Variants in KCNIP1 observed in about 807,000 individuals in gnomAD.
KCNIP1 encodes A-type potassium channel modulatory protein KCNIP1.
Under a neutral mutation model 33.0 loss-of-function variants are expected in KCNIP1, and 18 were observed. The observed-to-expected ratio is 0.55, with a 90% CI of 0.38 to 0.81. The LOEUF is 0.81. KCNIP1 is among the 30% of genes least tolerant of loss of function. The probability of loss-of-function intolerance (pLI) is 0.00; values close to 1 mark genes in which losing one functional copy is unlikely to be tolerated. For synonymous variants in KCNIP1, 93 were observed against 98.3 expected, an observed-to-expected ratio of 0.95 and a Z score of 0.32; for missense variants, 238 against 271.6, an observed-to-expected ratio of 0.88 and a Z score of 0.87.
chr5:170,396,271 G>A (rs1432525560), intron 1 of KCNIP1, among the ~76,000 whole-genome samples: 2 of 152,214 alleles, frequency 1.3e-5, no homozygotes, highest in Admixed American at 1.3e-4. Context: ...GAATCTTCTT[G>A]AGAGGGGATG....
chr5:170,646,190 C>G (rs1760775210), intron 1 of KCNIP1, among the ~76,000 whole-genome samples: 1 of 152,136 alleles, frequency 6.6e-6, no homozygotes, highest in Non-Finnish European at 1.5e-5. Flanking sequence ...TATCAATTCT[C>G]TACAATCTCT....
intron 1 of KCNIP1, among the ~76,000 whole-genome samples, chr5:170,537,633 C>T (rs1307525330): frequency 6.6e-6 from 1 of 152,196 alleles, no homozygotes; most frequent in Non-Finnish European, 1.5e-5. Flanking sequence ...ATGACACAGG[C>T]GGAGACTGCG....
chr5:170,574,841 G>A (rs1757541211), intron 1 of KCNIP1, among the ~76,000 whole-genome samples: 1 of 152,168 alleles, frequency 6.6e-6, no homozygotes, highest in Non-Finnish European at 1.5e-5. Flanking sequence ...GACGTGGGAG[G>A]AAACTGGAGT....
intron 1 of KCNIP1, among the ~76,000 whole-genome samples, chr5:170,439,048 C>CT: frequency 6.6e-6 from 1 of 152,184 alleles, no homozygotes; most frequent in Middle Eastern, 3.4e-3. Context: ...AACTTAGATC[C>CT]TAGTGGTAGG....
chr5:170,457,781 AG>A (rs1756419683), intron 1 of KCNIP1, among the ~76,000 whole-genome samples: 1 of 152,168 alleles, frequency 6.6e-6, no homozygotes, highest in African/African-American at 2.4e-5. Flanking sequence ...TGACAAAACA[AG>A]GTTCCTTAAT....
chr5:170,687,990 T>C (rs1762599127), intron 1 of KCNIP1, among the ~76,000 whole-genome samples: 1 of 146,900 alleles, frequency 6.8e-6, no homozygotes, highest in Non-Finnish European at 1.5e-5. Flanking sequence ...CATCTTAGGA[T>C]TTCCAAGAGA....
chr5:170,367,253 G>T (rs1763686687), intron 1 of KCNIP1, among the ~76,000 whole-genome samples: 1 of 151,484 alleles, frequency 6.6e-6, no homozygotes, highest in South Asian at 2.1e-4. Flanking sequence ...TGTGGAGGTT[G>T]CAGTGAGCCA....
intron 1 of KCNIP1, among the ~76,000 whole-genome samples, chr5:170,534,471 AAGGAGGAGG>A (rs34048947): frequency 0.28 from 42,394 of 149,296 alleles, 8,916 homozygotes; most frequent in African/African-American, 0.6. Flanking sequence ...GGAGAGGGAG[AAGGAGGAGG>A]AGGAGGAGGA....
chr5:170,568,971 C>A (rs1757301685), intron 1 of KCNIP1, among the ~76,000 whole-genome samples: 1 of 152,150 alleles, frequency 6.6e-6, no homozygotes. Flanking sequence ...TATTGTCACC[C>A]AGCCTCCTCT....
intron 1 of KCNIP1, among the ~76,000 whole-genome samples, chr5:170,550,985 T>C (rs1756606845): frequency 6.6e-6 from 1 of 152,182 alleles, no homozygotes; most frequent in Non-Finnish European, 1.5e-5. Flanking sequence ...CTCATCTCAT[T>C]TACCTTCTTT....
intron 1 of KCNIP1, among the ~76,000 whole-genome samples, chr5:170,591,311 C>T (rs1291646357): frequency 1.3e-5 from 2 of 152,150 alleles, no homozygotes; most frequent in African/African-American, 2.4e-5. Flanking sequence ...GAGGCAGGGG[C>T]CACAGCCTGT....
At chr5:170,712,755 C>T (rs967478554) in intron 1 of KCNIP1, 269 of 1,107,128 alleles carry the variant, frequency 2.4e-4, no homozygotes, top group Non-Finnish European at 2.1e-4. Flanking sequence ...AGCTGGACGA[C>T]GTGGACACCC....
At chr5:170,731,380 A>G (rs1352935771) in intron 5 of KCNIP1, among the ~76,000 whole-genome samples, 1 of 152,216 alleles carries the variant, frequency 6.6e-6, no homozygotes, top group Non-Finnish European at 1.5e-5. Flanking sequence ...ACTCATATCA[A>G]AAGTGTGAGG....
At chr5:170,680,907 A>G (rs1762319493) in intron 1 of KCNIP1, 2 of 396,074 alleles carry the variant, frequency 5.0e-6, no homozygotes, top group Non-Finnish European at 8.9e-6. Context: ...AGGTGGAGGG[A>G]GGGGTAGGAG....
intron 1 of KCNIP1, among the ~76,000 whole-genome samples, chr5:170,466,588 T>C (rs1334883139): frequency 6.6e-6 from 1 of 152,204 alleles, no homozygotes; most frequent in African/African-American, 2.4e-5. Flanking sequence ...TACCATAGCC[T>C]GAGTGGCTTA....
chr5:170,449,563 C>G lies in KCNIP1; in HGVS notation c.88+95599C>G, dbSNP rs141708831. ...ATGATGTGCAAATTGCTCAGCCTCT[C>G]TGTGCTTCAGTTTCCTCACCTATAA... On this transcript the variant is annotated intron_variant, in intron 1 of 7. Transcript: ENST00000377360. Among the ~76,000 whole-genome samples the G allele has an allele frequency of 2.4e-3, 363 of 152,364 alleles. 3 individuals carry two copies. Among genetic ancestry groups the G allele is most frequent in the African/African-American group, 8.2e-3 (343 of 41,580 alleles).
chr5:170,656,974 T>G (rs1408587891), intron 1 of KCNIP1, among the ~76,000 whole-genome samples: 8 of 150,214 alleles, frequency 5.3e-5, no homozygotes, highest in East Asian at 2.0e-4. Flanking sequence ...AGTCTGTCTT[T>G]TCTTTTCTTT....
intron 1 of KCNIP1, among the ~76,000 whole-genome samples, chr5:170,706,970 C>G (rs1310407802): frequency 6.6e-6 from 1 of 152,122 alleles, no homozygotes; most frequent in Non-Finnish European, 1.5e-5. Context: ...TCTCCATGTA[C>G]TGGAACTTCA....
At chr5:170,589,284 G>C (rs151291562) in intron 1 of KCNIP1, among the ~76,000 whole-genome samples, 12,783 of 152,116 alleles carry the variant, frequency 0.084, 601 homozygotes, top group South Asian at 0.12. Context: ...CAGGCGTGAG[G>C]CACCGCACCC....
Sources: allele counts gnomAD v4.1 joint callset (sites outside exome capture counted in the v4.1 genomes callset), GRCh38; gene constraint gnomAD v4.1.1; transcripts MANE v1.5; gene names NCBI Gene and HGNC (gene_info 2026-07-23, HGNC 2026-07-21).